Variants in COL28A1 observed in about 807,000 individuals in gnomAD.
The protein encoded by COL28A1 is collagen alpha-1(XXVIII) chain.
In COL28A1, 161 loss-of-function variants were observed where a neutral mutation model predicts 150.2. That is an observed-to-expected ratio of 1.07 (90% CI 0.94 to 1.22). The LOEUF is 1.22. Among genes scored for constraint, COL28A1 ranks in the 50% most tolerant of loss-of-function variants. COL28A1 has a pLI of 0.00. For synonymous variants in COL28A1, 552 were observed against 469.7 expected (o/e 1.18, Z -2.26); for missense variants, 1,617 against 1,388.3 (o/e 1.16, Z -2.62).
chr7:7,489,140 G>A (rs966985341), intron 13 of COL28A1, among the ~76,000 whole-genome samples: 1 of 152,076 alleles, frequency 6.6e-6, no homozygotes, highest in Non-Finnish European at 1.5e-5. Context: ...GCCTGGTGAC[G>A]TGCACTTGTA....
chr7:7,350,573 G>A, the COL28A1 span, among the ~76,000 whole-genome samples: 19 of 151,672 alleles, frequency 1.3e-4, no homozygotes, highest in African/African-American at 4.4e-4. Context: ...GATTAAAGAT[G>A]AGATAATTAC....
rs909333009 is a variant in COL28A1, at chr7:7,456,224, A to C, written c.1303-112T>G. ...AAATCTATCTTTATACTATAAAAAA[A>C]ATTCAACATGGAAAATTATAAAACT... is the stretch of plus-strand genomic sequence containing the variant. On this transcript the variant is annotated intron_variant, in intron 15 of 34. Coordinates refer to ENST00000399429, the MANE Select transcript of COL28A1 (RefSeq NM_001037763.3). 50 of 1,334,770 alleles carry C rather than the reference A, an allele frequency of 3.7e-5. No homozygotes were observed. In the African/African-American group the frequency reaches 7.2e-4, roughly 19 times the overall value. 82.7% of individuals were successfully genotyped at this position (1,334,770 alleles called of 1,614,324 possible). A position where few individuals can be genotyped will look rare whatever the true frequency, so the allele number is the denominator to read the frequency against.
rs76370843 is a variant in COL28A1 at position 7,436,123 on chromosome 7, T to A, written c.1860+272A>T. 5.4e-3 allele frequency among the ~76,000 whole-genome samples: 823 copies of A among 152,352 alleles called. 10 individuals carry two copies. Among genetic ancestry groups the A allele is most frequent in the African/African-American group, 0.019 (791 of 41,586 alleles). ...ATGTAAATGAAGAGGCCAGAGGCCA[T>A]TTAATGCCTTGTATCACTGACAGTG... is the stretch of plus-strand genomic sequence containing the variant. On this transcript the variant is annotated intron_variant, in intron 23 of 34. Coordinates refer to ENST00000399429, the MANE Select transcript of COL28A1 (RefSeq NM_001037763.3).
intron 1 of COL28A1, among the ~76,000 whole-genome samples, chr7:7,534,168 T>A (rs1399224662): frequency 6.6e-6 from 1 of 152,176 alleles, no homozygotes; most frequent in Non-Finnish European, 1.5e-5. Context: ...TCACATAGCA[T>A]CATCCAGCTG....
intron 21 of COL28A1, among the ~76,000 whole-genome samples, chr7:7,439,491 C>A (rs1277869938): frequency 6.6e-6 from 1 of 152,074 alleles, no homozygotes; most frequent in African/African-American, 2.4e-5. Flanking sequence ...AAAAAGAGGT[C>A]AATTACTTTT....
At chr7:7,507,999 G>A (rs1343875744) in intron 9 of COL28A1, among the ~76,000 whole-genome samples, 8 of 152,092 alleles carry the variant, frequency 5.3e-5, no homozygotes, top group East Asian at 1.9e-4. Context: ...TTGGGAGGCC[G>A]AGGCGGGCGG....
At chr7:7,513,456 G>A (rs1023527831) in intron 8 of COL28A1, among the ~76,000 whole-genome samples, 1 of 152,216 alleles carries the variant, frequency 6.6e-6, no homozygotes, top group Admixed American at 6.5e-5. Context: ...GCAGGAAAGA[G>A]GGAGGTGTGA....
At chr7:7,534,008 G>A (rs538636744) in intron 1 of COL28A1, among the ~76,000 whole-genome samples, 1 of 152,246 alleles carries the variant, frequency 6.6e-6, no homozygotes, top group East Asian at 1.9e-4. Context: ...TCCAGACTCT[G>A]AGTAGAGAGT....
rs1424013407 is a variant in COL28A1 at position 7,373,434 on chromosome 7, CAT to C, written c.2470_2471del (p.Met824GlyfsTer2). Reference protein sequence around the residue: ...FQIIKNFVKTMADRVALDLAT... With the variant: ...FQIIKNFVKTXADRVALDLAT... ...CAAGGTCCAGAGCAACCCGGTCAGC[CAT>C]AGTCTTCACAAAATTTTTAATGATC... On this transcript the variant is annotated frameshift_variant, in exon 32 of 35. Coordinates refer to ENST00000399429, the MANE Select transcript of COL28A1 (RefSeq NM_001037763.3). LOFTEE classifies it high-confidence loss of function. This position sits in a 1 kb window ranked among gnomAD's most constrained non-coding sequence, Gnocchi z 4.1. 4.3e-6 allele frequency: 7 copies of C among 1,614,036 alleles called. No individual in the cohort carries two copies. The highest frequency in any genetic ancestry group is 5.9e-6 in the Non-Finnish European group (7 of 1,180,038).
chr7:7,420,015 A>G, intron 25 of COL28A1, 62 bp from the exon 26 acceptor site: 1 of 1,116,306 alleles, frequency 9.0e-7, no homozygotes, highest in Non-Finnish European at 1.2e-6. Context: ...TTTTTTCAAT[A>G]TATATATTTT....
intron 25 of COL28A1, among the ~76,000 whole-genome samples, chr7:7,424,837 C>T (rs2128310610): frequency 6.6e-6 from 1 of 152,256 alleles, no homozygotes; most frequent in East Asian, 1.9e-4. Context: ...TCAGGACTGT[C>T]TGCAGTATTT....
At chr7:7,340,221 T>A in the COL28A1 span, among the ~76,000 whole-genome samples, 12 of 152,020 alleles carry the variant, frequency 7.9e-5, no homozygotes, top group African/African-American at 1.2e-4. Flanking sequence ...GCCCGGCCCA[T>A]TATTATTTTT....
chr7:7,514,676 AG>A (rs1424533253), intron 8 of COL28A1, among the ~76,000 whole-genome samples: 2 of 152,184 alleles, frequency 1.3e-5, no homozygotes, highest in Non-Finnish European at 2.9e-5. Context: ...TGTCTTCAAA[AG>A]GGATAAAGAA....
intron 4 of COL28A1, 88 bp from the exon 5 acceptor site, chr7:7,522,049 A>C: frequency 1.3e-6 from 1 of 780,768 alleles, no homozygotes; most frequent in Non-Finnish European, 2.3e-6. Flanking sequence ...TACATTTCAA[A>C]GTGTATTTCA....
upstream of COL28A1, among the ~76,000 whole-genome samples, chr7:7,540,455 C>T (rs1355880478): frequency 2.0e-5 from 3 of 152,126 alleles, no homozygotes. Flanking sequence ...AACTTAGAAA[C>T]CACTTTTATT....
intron 11 of COL28A1, among the ~76,000 whole-genome samples, chr7:7,492,349 G>T (rs1276550591): frequency 6.6e-6 from 1 of 151,208 alleles, no homozygotes; most frequent in South Asian, 2.1e-4. Flanking sequence ...CGAGGCAGGT[G>T]AATCACTTGA....
chr7:7,408,871 G>A (rs1783631568), intron 27 of COL28A1, among the ~76,000 whole-genome samples: 1 of 152,084 alleles, frequency 6.6e-6, no homozygotes, highest in African/African-American at 2.4e-5. Context: ...AATTTTGAGT[G>A]ACACTTTGTT....
intron 25 of COL28A1, among the ~76,000 whole-genome samples, chr7:7,424,922 C>A (rs771719057): frequency 2.6e-5 from 4 of 152,092 alleles, no homozygotes; most frequent in Non-Finnish European, 5.9e-5. Context: ...AATTTTAACT[C>A]CTTTAAAAAT....
intron 27 of COL28A1, among the ~76,000 whole-genome samples, chr7:7,383,783 G>C (rs1255657978): frequency 6.7e-6 from 1 of 148,866 alleles, no homozygotes; most frequent in Non-Finnish European, 1.5e-5. Flanking sequence ...TTATCCATTA[G>C]CCTTCTGATG....
Sources: allele counts gnomAD v4.1 joint callset (sites outside exome capture counted in the v4.1 genomes callset), GRCh38; gene constraint gnomAD v4.1.1; non-coding constraint Gnocchi (gnomAD v3.1); transcripts MANE v1.5; gene names NCBI Gene and HGNC (gene_info 2026-07-23, HGNC 2026-07-21).